Variants in ANKS1B observed in about 807,000 individuals in gnomAD.
ANKS1B encodes the protein ankyrin repeat and sterile alpha motif domain-containing protein 1B.
ANKS1B carries 36 observed loss-of-function variants against 148.3 expected under a neutral mutation model. That is an observed-to-expected ratio of 0.24 (90% CI 0.19 to 0.32). The LOEUF (loss-of-function observed/expected upper bound fraction) is 0.32, where lower values mean the gene tolerates loss of function less well. Among genes scored for constraint, ANKS1B ranks in the 10% least tolerant of loss-of-function variants. The probability of loss-of-function intolerance (pLI) is 1.00; values close to 1 mark genes in which losing one functional copy is unlikely to be tolerated. For missense variants in ANKS1B, 1,157 were observed against 1,542.6 expected, an observed-to-expected ratio of 0.75 and a Z score of 4.19; for synonymous variants, 542 against 560.8, an observed-to-expected ratio of 0.97 and a Z score of 0.47.
At chr12:98,778,266 A>G (rs1210960325) in intron 24 of ANKS1B, among the ~76,000 whole-genome samples, 1 of 152,158 alleles carries the variant, frequency 6.6e-6, no homozygotes, top group East Asian at 1.9e-4. Context: ...ACCTGAGGTC[A>G]GGAGTTCGAG....
At chr12:98,799,186 G>T (rs2098978739) in intron 21 of ANKS1B, among the ~76,000 whole-genome samples, 181 bp from the exon 22 acceptor site, 1 of 152,156 alleles carries the variant, frequency 6.6e-6, no homozygotes, top group Admixed American at 6.5e-5. Flanking sequence ...AAATGCAGCA[G>T]AATTAACCAT....
chr12:99,686,086 C>T (rs1310300235), intron 8 of ANKS1B, among the ~76,000 whole-genome samples: 1 of 151,964 alleles, frequency 6.6e-6, no homozygotes, highest in Non-Finnish European at 1.5e-5. Flanking sequence ...AAGAACTTAT[C>T]CATGTAAGCA....
intron 12 of ANKS1B, among the ~76,000 whole-genome samples, chr12:99,296,699 GAA>G (rs2080914427): frequency 6.6e-6 from 1 of 152,148 alleles, no homozygotes; most frequent in Non-Finnish European, 1.5e-5. Context: ...TAGAATGTGA[GAA>G]AAGAGTAGAG....
intron 17 of ANKS1B, among the ~76,000 whole-genome samples, chr12:98,959,753 C>T (rs2099868180): frequency 6.6e-6 from 1 of 152,176 alleles, no homozygotes; most frequent in Non-Finnish European, 1.5e-5. Flanking sequence ...GAGCCCATTG[C>T]CCTTCTGGGA....
chr12:99,638,931 AGCC>A (rs1337436498), intron 9 of ANKS1B, among the ~76,000 whole-genome samples: 1 of 152,228 alleles, frequency 6.6e-6, no homozygotes, highest in Non-Finnish European at 1.5e-5. Context: ...GCAAGCCCCA[AGCC>A]TTGGTGGCTT....
At chr12:99,221,554 AG>A (rs1443680053) in intron 14 of ANKS1B, among the ~76,000 whole-genome samples, 1 of 152,308 alleles carries the variant, frequency 6.6e-6, no homozygotes, top group African/African-American at 2.4e-5. Context: ...GGCAGTTCAG[AG>A]AAAAGGAAAT....
At chr12:99,333,948 T>A (rs890834526) in intron 12 of ANKS1B, among the ~76,000 whole-genome samples, 1 of 150,674 alleles carries the variant, frequency 6.6e-6, no homozygotes, top group African/African-American at 2.5e-5. Context: ...GCCAGATTGG[T>A]TTTTTGTATG....
At chr12:99,972,405 T>A (rs1215694134) in intron 1 of ANKS1B, among the ~76,000 whole-genome samples, 2 of 152,182 alleles carry the variant, frequency 1.3e-5, no homozygotes, top group Non-Finnish European at 2.9e-5. Context: ...AACACATGAA[T>A]GATAAGAAAG....
chr12:99,093,806 G>A (rs921279152), intron 15 of ANKS1B, among the ~76,000 whole-genome samples: 1 of 152,112 alleles, frequency 6.6e-6, no homozygotes, highest in African/African-American at 2.4e-5. Context: ...TTGACACTGA[G>A]AACTACATTC....
intron 14 of ANKS1B, among the ~76,000 whole-genome samples, chr12:99,233,154 C>A (rs2087182886): frequency 6.6e-6 from 1 of 152,002 alleles, no homozygotes; most frequent in African/African-American, 2.4e-5. Flanking sequence ...ATTTGGGTCC[C>A]AACTACAAGA....
intron 9 of ANKS1B, among the ~76,000 whole-genome samples, chr12:98,738,125 G>A (rs1404729627): frequency 6.6e-6 from 1 of 152,204 alleles, no homozygotes; most frequent in Non-Finnish European, 1.5e-5. Flanking sequence ...CATTTGAGAC[G>A]TAGCAGAGAC....
intron 16 of ANKS1B, among the ~76,000 whole-genome samples, chr12:99,071,147 A>G (rs1217135218): frequency 6.6e-6 from 1 of 152,166 alleles, no homozygotes; most frequent in East Asian, 1.9e-4. Context: ...TATTAAGATC[A>G]TTTGCATATT....
intron 25 of ANKS1B, among the ~76,000 whole-genome samples, chr12:98,762,354 C>T (rs1305531690): frequency 2.0e-5 from 3 of 152,126 alleles, no homozygotes; most frequent in Non-Finnish European, 4.4e-5. Context: ...CAGTCAACTA[C>T]AGATTCAGTT....
In ANKS1B at chr12:99,535,327, T is replaced by C. The variant is rs375692809; in HGVS notation, c.1273-30686A>G. Among the ~76,000 whole-genome samples the C allele has an allele frequency of 1.1e-4, 16 of 152,298 alleles. No individual in the cohort carries two copies. The South Asian group carries it at 2.7e-3, about 26-fold the overall frequency. ...TCCAGTCCATCACCAAGTCCCATGA[T>C]TGGTCCACTCTTGTTGTCCCACGTC... On this transcript the variant is annotated intron_variant, in intron 9 of 26. Transcript: ENST00000683438.
intron 15 of ANKS1B, among the ~76,000 whole-genome samples, chr12:99,099,140 G>A (rs539958319): frequency 2.0e-5 from 3 of 152,102 alleles, no homozygotes; most frequent in African/African-American, 4.8e-5. Context: ...TCTGGGTGCC[G>A]GCAGAGGGAG....
chr12:99,628,328 C>A (rs996107517), intron 9 of ANKS1B, among the ~76,000 whole-genome samples: 13 of 152,028 alleles, frequency 8.6e-5, no homozygotes, highest in African/African-American at 2.9e-4. Context: ...TCTAAAAATC[C>A]AGAGTGGTTC....
chr12:99,371,884 A>G (rs559436044), intron 12 of ANKS1B, among the ~76,000 whole-genome samples: 2 of 152,320 alleles, frequency 1.3e-5, no homozygotes, highest in Admixed American at 6.5e-5. Flanking sequence ...ATGCTTTACT[A>G]TTTGTTAAAA....
chr12:99,584,697 G>A (rs144056472), intron 9 of ANKS1B, among the ~76,000 whole-genome samples: 2 of 152,294 alleles, frequency 1.3e-5, no homozygotes, highest in African/African-American at 4.8e-5. Context: ...CCACAGGGGT[G>A]TGGAGGTCTC....
chr12:99,136,195 C>T lies in ANKS1B; in HGVS notation c.2526+18094G>A, dbSNP rs75788210. 7.1e-3 allele frequency among the ~76,000 whole-genome samples: 1,075 copies of T among 152,250 alleles called. 12 individuals carry two copies. Among genetic ancestry groups the T allele is most frequent in the African/African-American group, 0.024 (1,009 of 41,536 alleles). On this transcript the variant is annotated intron_variant, in intron 15 of 26. Coordinates refer to ENST00000683438, the MANE Select transcript of ANKS1B (RefSeq NM_001352186.2). ...GGTGTAACCATCATTATCATGGGTG[C>T]CCTGCCTCTCAGGACCCAGGTATGG...
Sources: allele counts gnomAD v4.1 joint callset (sites outside exome capture counted in the v4.1 genomes callset), GRCh38; gene constraint gnomAD v4.1.1; transcripts MANE v1.5; gene names NCBI Gene and HGNC (gene_info 2026-07-23, HGNC 2026-07-21).